The following NPAS3 variants were observed in gnomAD, a reference collection of about 807,000 sequenced individuals.
NPAS3 encodes neuronal PAS domain-containing protein 3.
A neutral mutation model predicts 73.1 loss-of-function variants in NPAS3; 14 were observed. That is an observed-to-expected ratio of 0.19 (90% confidence interval 0.13 to 0.30). The LOEUF is 0.30. Ranked by LOEUF, NPAS3 falls within the 10% of genes least tolerant of loss-of-function variation. The pLI, the probability that NPAS3 is intolerant of heterozygous loss-of-function variation, is 1.00. For missense variants in NPAS3, 1,096 were observed against 1,250.0 expected (o/e 0.88, Z 1.86); for synonymous variants, 620 against 541.5 (o/e 1.14, Z -2.01).
rs143781773 is a variant in NPAS3, at chr14:32,942,763, T to G, written c.50+3397T>G. Among the ~76,000 whole-genome samples, 86 of 152,344 alleles carry G rather than the reference T, an allele frequency of 5.6e-4. No individual in the cohort carries two copies. The East Asian group carries it at 0.014, about 26-fold the overall frequency. On this transcript the variant is annotated intron_variant, in intron 1 of 11. Transcript: ENST00000356141. Reference sequence around the variant, plus strand: ...TAAATAGGGGTGATAAATGATTATATGCATTGTCTAACACTTGCTTATATA... The same window carrying G: ...TAAATAGGGGTGATAAATGATTATAGGCATTGTCTAACACTTGCTTATATA...
intron 1 of NPAS3, among the ~76,000 whole-genome samples, chr14:32,988,920 T>G (rs73264694): frequency 0.032 from 4,855 of 152,286 alleles, 170 homozygotes; most frequent in African/African-American, 0.094. Context: ...CAGTGCGTAT[T>G]TATTGAGTAC....
At chr14:33,237,935 AC>A (rs1360961410) in intron 3 of NPAS3, among the ~76,000 whole-genome samples, 5 of 151,846 alleles carry the variant, frequency 3.3e-5, no homozygotes, top group Non-Finnish European at 5.9e-5. Flanking sequence ...TTTCTCATGT[AC>A]ATTTTCACAA....
intron 6 of NPAS3, among the ~76,000 whole-genome samples, chr14:33,677,618 GAAA>G (rs10584098): frequency 2.7e-5 from 4 of 149,924 alleles, no homozygotes; most frequent in African/African-American, 7.3e-5. Flanking sequence ...CACACAGAAG[GAAA>G]AAAAAAAAAC....
At chr14:33,658,968 A>G (rs8014143) in intron 5 of NPAS3, among the ~76,000 whole-genome samples, 67,799 of 151,966 alleles carry the variant, frequency 0.45, 15,783 homozygotes, top group Non-Finnish European at 0.53. Context: ...ATAAGCTGCC[A>G]TATTACTCTG....
intron 5 of NPAS3, among the ~76,000 whole-genome samples, chr14:33,591,721 G>GCA: frequency 6.6e-6 from 1 of 152,106 alleles, no homozygotes; most frequent in Non-Finnish European, 1.5e-5. Context: ...TGTCATCACT[G>GCA]CAGTTTACCT....
intron 3 of NPAS3, among the ~76,000 whole-genome samples, chr14:33,343,788 C>T (rs1025186089): frequency 6.6e-6 from 1 of 152,098 alleles, no homozygotes; most frequent in Non-Finnish European, 1.5e-5. Flanking sequence ...TGGAATTATC[C>T]GTGTAGAAGT....
At chr14:33,024,833 A>C (rs61974879) in intron 1 of NPAS3, among the ~76,000 whole-genome samples, 47 of 152,306 alleles carry the variant, frequency 3.1e-4, no homozygotes, top group Middle Eastern at 3.4e-3. Context: ...AACACGTATT[A>C]CTTTTGTAAT....
intron 8 of NPAS3, among the ~76,000 whole-genome samples, chr14:33,774,944 C>A (rs2062766617): frequency 6.6e-6 from 1 of 151,936 alleles, no homozygotes; most frequent in Non-Finnish European, 1.5e-5. Context: ...ATGGAAAGAA[C>A]AAATGAGAAT....
At chr14:33,108,338 T>C (rs2138941617) in intron 2 of NPAS3, among the ~76,000 whole-genome samples, 1 of 151,930 alleles carries the variant, frequency 6.6e-6, no homozygotes. Flanking sequence ...GGACTACAGG[T>C]GCCCACCACC....
chr14:33,629,605 CT>C (rs1317716217), intron 5 of NPAS3, among the ~76,000 whole-genome samples: 1 of 151,376 alleles, frequency 6.6e-6, no homozygotes, highest in Non-Finnish European at 1.5e-5. Flanking sequence ...CCTCTAGACT[CT>C]CATATATTCT....
exon 11 of NPAS3, chr14:33,797,559 T>C: frequency 6.2e-7 from 1 of 1,614,078 alleles, no homozygotes; most frequent in Non-Finnish European, 8.5e-7. Context: ...AGTCAGACTC[T>C]AAAGACACCT....
intron 5 of NPAS3, among the ~76,000 whole-genome samples, chr14:33,670,060 G>C (rs2059568545): frequency 6.6e-6 from 1 of 152,052 alleles, no homozygotes; most frequent in Non-Finnish European, 1.5e-5. Flanking sequence ...GTCTCTTTGG[G>C]TGCTGCGGTT....
chr14:33,174,670 C>A (rs542772514), intron 2 of NPAS3, among the ~76,000 whole-genome samples: 1 of 152,284 alleles, frequency 6.6e-6, no homozygotes, highest in South Asian at 2.1e-4. Flanking sequence ...TTAATCTCCA[C>A]ACCTGATCTT....
intron 9 of NPAS3, among the ~76,000 whole-genome samples, chr14:33,786,129 T>A (rs185190136): frequency 6.6e-6 from 1 of 152,308 alleles, no homozygotes; most frequent in Non-Finnish European, 1.5e-5. Flanking sequence ...TCTCCTGGGA[T>A]TTAGGAGGAG....
chr14:33,349,213 A>G (rs2044900720), intron 3 of NPAS3, among the ~76,000 whole-genome samples: 1 of 152,204 alleles, frequency 6.6e-6, no homozygotes, highest in African/African-American at 2.4e-5. Flanking sequence ...TAGGAATTTT[A>G]TTGTCAAAAA....
intron 7 of NPAS3, among the ~76,000 whole-genome samples, chr14:33,767,116 G>A (rs2062488030): frequency 6.6e-6 from 1 of 152,172 alleles, no homozygotes; most frequent in Non-Finnish European, 1.5e-5. Context: ...GCTAAGGCTT[G>A]TTTTTATTGG....
chr14:33,730,559 C>A (rs1027555046), intron 6 of NPAS3, among the ~76,000 whole-genome samples: 2 of 152,178 alleles, frequency 1.3e-5, no homozygotes, highest in Non-Finnish European at 2.9e-5. Flanking sequence ...TCATGACTGG[C>A]TCTTGAAAAT....
At chr14:33,399,756 G>T (rs2047373227) in intron 4 of NPAS3, among the ~76,000 whole-genome samples, 1 of 151,592 alleles carries the variant, frequency 6.6e-6, no homozygotes, top group Non-Finnish European at 1.5e-5. Context: ...ACTACTCTTA[G>T]GTCAAGGAGC....
At chr14:33,602,414 TG>T (rs1446315030) in intron 5 of NPAS3, among the ~76,000 whole-genome samples, 2 of 152,214 alleles carry the variant, frequency 1.3e-5, no homozygotes, top group African/African-American at 4.8e-5. Flanking sequence ...AGTAGAAGTC[TG>T]AGTGCTTCTG....
Sources: allele counts gnomAD v4.1 joint callset (sites outside exome capture counted in the v4.1 genomes callset), GRCh38; gene constraint gnomAD v4.1.1; transcripts MANE v1.5; gene names NCBI Gene and HGNC (gene_info 2026-07-23, HGNC 2026-07-21).